Variants in RARB observed in about 807,000 individuals in gnomAD.
The protein encoded by RARB is HBV-activated protein.
In RARB, 17 loss-of-function variants were observed where a neutral mutation model predicts 51.9. That is an observed-to-expected ratio of 0.33 (90% confidence interval 0.22 to 0.49). The LOEUF (loss-of-function observed/expected upper bound fraction) is 0.49, where lower values mean the gene tolerates loss of function less well. Among genes scored for constraint, RARB ranks in the 20% least tolerant of loss-of-function variants. RARB has a pLI of 0.99. For missense variants in RARB, 369 were observed against 550.8 expected (o/e 0.67, Z 3.30); for synonymous variants, 215 against 195.4 (o/e 1.10, Z -0.84).
intron 5 of RARB, among the ~76,000 whole-genome samples, chr3:25,275,945 T>C (rs1703371550): frequency 6.6e-6 from 1 of 152,170 alleles, no homozygotes; most frequent in Non-Finnish European, 1.5e-5. Context: ...AAAGATTTGT[T>C]CAGTTGAAGG....
chr3:25,256,459 TAAG>T (rs1702867326), intron 5 of RARB, among the ~76,000 whole-genome samples: 1 of 152,102 alleles, frequency 6.6e-6, no homozygotes, highest in Non-Finnish European at 1.5e-5. Context: ...ATATAAGCAT[TAAG>T]AAGTAGTTAA....
At chr3:25,007,593 A>AAAAAAAAAAAAAAAAAAC (rs1290478716) in intron 2 of RARB, among the ~76,000 whole-genome samples, 3 of 101,526 alleles carry the variant, frequency 3.0e-5, no homozygotes, top group Non-Finnish European at 6.1e-5. Context: ...AGACTGTCTC[A>AAAAAAAAAAAAAAAAAAC]AAAAAAAAAA....
intron 5 of RARB, among the ~76,000 whole-genome samples, chr3:25,311,843 C>G (rs1704297729): frequency 6.6e-6 from 1 of 152,114 alleles, no homozygotes; most frequent in East Asian, 1.9e-4. Flanking sequence ...CAAGGAATGA[C>G]AGTGGGGGAT....
At chr3:25,554,834 G>A (rs1318410615) in intron 3 of RARB, among the ~76,000 whole-genome samples, 1 of 152,184 alleles carries the variant, frequency 6.6e-6, no homozygotes, top group Non-Finnish European at 1.5e-5. Flanking sequence ...GGTGTCCCAA[G>A]ATGGCACAGG....
At chr3:24,895,264 G>T (rs1703455175) in intron 2 of RARB, among the ~76,000 whole-genome samples, 1 of 152,104 alleles carries the variant, frequency 6.6e-6, no homozygotes, top group South Asian at 2.1e-4. Context: ...AATAGATTTG[G>T]TCAATATATT....
chr3:25,424,585 T>A (rs1707940031), upstream of RARB, among the ~76,000 whole-genome samples: 1 of 152,130 alleles, frequency 6.6e-6, no homozygotes, highest in Non-Finnish European at 1.5e-5. Context: ...CAAAACAACA[T>A]GAAAGAGCTG....
intron 5 of RARB, among the ~76,000 whole-genome samples, chr3:25,237,316 G>C (rs745907997): frequency 2.0e-4 from 30 of 152,028 alleles, no homozygotes; most frequent in Non-Finnish European, 3.7e-4. Flanking sequence ...ATTATAAAAT[G>C]ATCTTAATGT....
intron 4 of RARB, among the ~76,000 whole-genome samples, chr3:25,141,399 C>T (rs908664894): frequency 2.6e-5 from 4 of 152,174 alleles, no homozygotes; most frequent in African/African-American, 9.6e-5. Context: ...TTTGAAGAAG[C>T]ACCTGACCTA....
At chr3:25,545,720 C>T (rs577056486) in intron 3 of RARB, among the ~76,000 whole-genome samples, 6 of 152,304 alleles carry the variant, frequency 3.9e-5, no homozygotes, top group African/African-American at 9.6e-5. Context: ...CCCCTCTCTC[C>T]TCCCTGCCCA....
intron 2 of RARB, 108 bp from the exon 3 acceptor site, chr3:25,501,074 C>A: frequency 7.7e-7 from 1 of 1,291,464 alleles, no homozygotes. Flanking sequence ...CTGCTGCCAT[C>A]ACTTCGTTAC....
At chr3:25,200,220 G>A (rs1005350407) in intron 5 of RARB, among the ~76,000 whole-genome samples, 3 of 151,692 alleles carry the variant, frequency 2.0e-5, no homozygotes, top group South Asian at 2.1e-4. Context: ...TGTTTCTTGT[G>A]TCTTTTGGCT....
At chr3:25,391,029 A>G (rs74593305) in intron 5 of RARB, among the ~76,000 whole-genome samples, 8,835 of 152,100 alleles carry the variant, frequency 0.058, 279 homozygotes, top group African/African-American at 0.088. Context: ...GCAATGTGAA[A>G]TCTTTCATCC....
intron 2 of RARB, among the ~76,000 whole-genome samples, chr3:25,044,939 T>C (rs955692369): frequency 3.9e-5 from 6 of 152,198 alleles, no homozygotes; most frequent in Non-Finnish European, 8.8e-5. Flanking sequence ...TGACAGTTTA[T>C]AGTTTGAAGG....
At chr3:25,463,458 A>G (rs1695282568) in intron 2 of RARB, among the ~76,000 whole-genome samples, 1 of 152,060 alleles carries the variant, frequency 6.6e-6, no homozygotes, top group Non-Finnish European at 1.5e-5. Context: ...AAGTCAAGAG[A>G]TCGAGACCAT....
chr3:25,340,143 C>T (rs1402262500), intron 5 of RARB, among the ~76,000 whole-genome samples: 4 of 152,090 alleles, frequency 2.6e-5, no homozygotes, highest in Non-Finnish European at 4.4e-5. Context: ...ATGTTTCTCC[C>T]TTTCAAGAAG....
intron 3 of RARB, among the ~76,000 whole-genome samples, chr3:25,132,031 C>G (rs1192731653): frequency 6.6e-6 from 1 of 151,684 alleles, no homozygotes; most frequent in Non-Finnish European, 1.5e-5. Flanking sequence ...CATTGAGAGT[C>G]AAGTACTTGT....
intron 4 of RARB, among the ~76,000 whole-genome samples, chr3:25,139,221 G>C (rs954329055): frequency 2.0e-5 from 3 of 152,062 alleles, no homozygotes; most frequent in African/African-American, 7.2e-5. Flanking sequence ...AGAGTAACAA[G>C]TCTCACCTTT....
chr3:25,115,288 G>A (rs772922623), intron 3 of RARB, among the ~76,000 whole-genome samples: 21 of 152,096 alleles, frequency 1.4e-4, no homozygotes, highest in African/African-American at 4.6e-4. Context: ...AAAAAGCATC[G>A]TGTTACCATT....
chr3:25,282,827 C>T (rs1438635079), intron 5 of RARB, among the ~76,000 whole-genome samples: 3 of 152,182 alleles, frequency 2.0e-5, no homozygotes, highest in East Asian at 1.9e-4. Flanking sequence ...GAAGCTTTCT[C>T]GTAAGCCTTG....
Sources: gnomAD v4.1 joint callset for allele counts (sites outside exome capture counted in the v4.1 genomes callset) on GRCh38, gnomAD v4.1.1 for gene constraint, MANE v1.5 for transcripts, NCBI Gene and HGNC (gene_info 2026-07-23, HGNC 2026-07-21) for gene names.